Variants in KCTD19 observed in about 807,000 individuals in gnomAD.
The protein encoded by KCTD19 is BTB/POZ domain-containing protein KCTD19.
Under a neutral mutation model 103.5 loss-of-function variants are expected in KCTD19, and 67 were observed. The observed-to-expected ratio is 0.65, with a 90% CI of 0.53 to 0.79. KCTD19 has a LOEUF of 0.79. Ranked by LOEUF, KCTD19 falls within the 30% of genes least tolerant of loss-of-function variation. The pLI is 0.00. For missense variants in KCTD19, 980 were observed against 1,136.1 expected (o/e 0.86, Z 1.98); for synonymous variants, 439 against 452.2 (o/e 0.97, Z 0.37).
rs759968343 is a variant in KCTD19, at chr16:67,294,029, T to C, written c.1733A>G (p.Asn578Ser). Residue 578 changes from asparagine (N) to serine (S), a missense_variant, in exon 12 of 16, where the codon AAT becomes AGT. By Grantham distance (46) the Asn-to-Ser change is conservative. Transcript: ENST00000304372. ...GCTAGGGTTGCCAGCCCTCTTGGCA[T>C]TTCGGCATAGGGACACCTGGATGGG... The part of the protein sequence containing the change: ...TRPIQVSLCR[N>S]AKRAGNPSTY... 5 of 1,614,070 alleles carry C rather than the reference T, an allele frequency of 3.1e-6. No homozygotes were observed. Among genetic ancestry groups the C allele is most frequent in the Non-Finnish European group, 4.2e-6 (5 of 1,180,034 alleles).
intron 10 of KCTD19, 101 bp downstream of exon 10, chr16:67,294,872 A>T (rs1485944432): frequency 9.2e-7 from 1 of 1,091,048 alleles, no homozygotes; most frequent in Admixed American, 1.8e-5. Flanking sequence ...CCTCAACCCC[A>T]AGGAGATCAG....
chr16:67,293,550 C>T lies in KCTD19; in HGVS notation c.2212G>A (p.Glu738Lys), dbSNP rs1453783022. 3 of 1,613,716 alleles carry T rather than the reference C, an allele frequency of 1.9e-6. No homozygotes were observed. Among genetic ancestry groups the T allele is most frequent in the Admixed American group, 1.7e-5 (1 of 59,996 alleles). The change falls in exon 12 of 16, where the codon GAG (glutamate) becomes AAG (lysine). Residue 738 changes from glutamate (E) to lysine (K), a missense_variant. By Grantham distance (56) the Glu-to-Lys change is moderately conservative. Transcript: ENST00000304372. The surrounding 1 kb of genome is among the most constrained non-coding windows in gnomAD (Gnocchi z 4.0). ...AAAGGGGGACAGGACTCACCTCTCT[C>T]CTTGGTCCTCTGCTTGCTCCAGTCC... Reference protein sequence around the residue: ...LKDWSKQRTKERESPAPEQPL... With the variant: ...LKDWSKQRTKKRESPAPEQPL...
rs1329745100 is a variant in KCTD19, at chr16:67,323,343, C to A, written c.4-2458G>T. On this transcript the variant is annotated intron_variant, in intron 1 of 15. Transcript: ENST00000304372. This position sits in a 1 kb window ranked among gnomAD's most constrained non-coding sequence, Gnocchi z 4.1. ...GTAAACAAAATGTAGTATATCCACA[C>A]AATGGAATATTGTTTGTCAATACGA... 6.6e-6 allele frequency among the ~76,000 whole-genome samples: 1 copy of A among 152,140 alleles called. No individual in the cohort carries two copies. The highest frequency in any genetic ancestry group is 1.5e-5 in the Non-Finnish European group (1 of 68,020).
At position 67,307,210 on chromosome 16, in the gene KCTD19, A is replaced by G. The variant is rs1009012686; in HGVS notation, c.301-2639T>C. Among the ~76,000 whole-genome samples, 6 of 151,478 alleles carry G rather than the reference A, an allele frequency of 4.0e-5. No homozygotes were observed. In the South Asian group the frequency reaches 8.3e-4, roughly 21 times the overall value. Reference sequence around the variant, plus strand: ...ATCACCTAGGCTGGAGTGCAGTGGCATGATCACAGCTCACTGCAGCCTTGA... The same window carrying G: ...ATCACCTAGGCTGGAGTGCAGTGGCGTGATCACAGCTCACTGCAGCCTTGA... On this transcript the variant is annotated intron_variant, in intron 2 of 15. Transcript: ENST00000304372.
intron 2 of KCTD19, among the ~76,000 whole-genome samples, chr16:67,319,807 T>C (rs1458620045): frequency 6.6e-6 from 1 of 151,928 alleles, no homozygotes; most frequent in Non-Finnish European, 1.5e-5. Flanking sequence ...GGCCCAAGAT[T>C]AGAACTTTTT....
intron 1 of KCTD19, among the ~76,000 whole-genome samples, chr16:67,325,358 G>A (rs902414463): frequency 1.5e-4 from 22 of 147,670 alleles, no homozygotes; most frequent in African/African-American, 5.2e-4. Flanking sequence ...GACTACAGGC[G>A]CCCGCCACCA....
At position 67,291,439 on chromosome 16, in the gene KCTD19, A is replaced by G; in HGVS notation, c.2435T>C (p.Leu812Pro). ...TGCATAAAACATCTCTTCCCAGGAC[A>G]GAGAGAAACTCAGGAAAGTCACTTC... ...PQEVTFLSFS[L>P]SWEEMFYAQK... The change falls in exon 14 of 16, where the codon CTG (leucine) becomes CCG (proline). Residue 812 changes from leucine to proline, a missense_variant. Leu to Pro is a moderately conservative substitution (Grantham distance 98). Transcript: ENST00000304372. 1 of 1,614,070 alleles carries G rather than the reference A, an allele frequency of 6.2e-7. No individual in the cohort carries two copies. The highest frequency in any genetic ancestry group is 8.5e-7 in the Non-Finnish European group (1 of 1,179,962).
Position 67,291,322 on chromosome 16 carries a change from G to C in KCTD19, c.2552C>G (p.Ala851Gly). The C allele has an allele frequency of 6.2e-7, 1 of 1,613,590 alleles. No homozygotes were observed. Among genetic ancestry groups the C allele is most frequent in the Non-Finnish European group, 8.5e-7 (1 of 1,179,916 alleles). ...KAITAKVVSL[A>G]NRLWTLHISP... ...TGTCACACATACCCACAGCCGATTGGCCAGGGAGACCACCTTGGCTGTGAT... is the reference window on the plus strand; with the variant it reads ...TGTCACACATACCCACAGCCGATTGCCCAGGGAGACCACCTTGGCTGTGAT... The change falls in exon 14 of 16, where the codon GCC becomes GGC. Residue 851 changes from alanine to glycine, a missense_variant. Physicochemically the swap from Ala to Gly is moderately conservative, Grantham distance 60 (BLOSUM62 0). Transcript: ENST00000304372.
At position 67,294,144 on chromosome 16, in the gene KCTD19, C is replaced by T. The variant is rs373332734; in HGVS notation, c.1618G>A (p.Glu540Lys). The T allele has an allele frequency of 9.3e-5, 150 of 1,608,148 alleles. 1 individual carries two copies. Among genetic ancestry groups the T allele is most frequent in the Middle Eastern group, 1.6e-4 (1 of 6,072 alleles). ...CATGGAGTCCTGTCACTGCAGTCTT[C>T]GAAGTCCACAGGCATGTAGGCTGTG... ...ETTAYMPVDF[E>K]DCSDRTPWNK... Residue 540 changes from glutamate (E) to lysine (K), a missense_variant, in exon 12 of 16, where the codon GAA (glutamate) becomes AAA (lysine). Glu to Lys is a moderately conservative substitution (Grantham distance 56, BLOSUM62 1). Coordinates refer to ENST00000304372, the MANE Select transcript of KCTD19 (RefSeq NM_001100915.3).
rs980759611 is a variant in KCTD19, at chr16:67,300,651, G to A, written c.776-1078C>T. ...GCATGCCACTCCCCACAAAGAGGAT[G>A]GGTTTCTTTTTTGAGAAGGAGTCTC... On this transcript the variant is annotated intron_variant, in intron 5 of 15. Coordinates refer to ENST00000304372, the MANE Select transcript of KCTD19 (RefSeq NM_001100915.3). This position sits in a 1 kb window ranked among gnomAD's most constrained non-coding sequence, Gnocchi z 4.5. 2.6e-5 allele frequency: 4 copies of A among 152,480 alleles called. No individual in the cohort carries two copies. Among genetic ancestry groups the A allele is most frequent in the African/African-American group, 9.7e-5 (4 of 41,434 alleles). 9.4% of individuals were successfully genotyped at this position (152,480 alleles called of 1,614,324 possible).
intron 2 of KCTD19, among the ~76,000 whole-genome samples, chr16:67,313,401 C>G (rs144369944): frequency 1.3e-5 from 2 of 152,118 alleles, no homozygotes; most frequent in Non-Finnish European, 2.9e-5. Context: ...TGAGCCACCA[C>G]GCCTGGCCTG....
At position 67,291,336 on chromosome 16, in the gene KCTD19, C is replaced by T; in HGVS notation, c.2538G>A (p.Lys846=). The T allele has an allele frequency of 2.5e-6, 4 of 1,613,980 alleles. No individual in the cohort carries two copies. Among genetic ancestry groups the T allele is most frequent in the Middle Eastern group, 1.7e-4 (1 of 5,868 alleles). ...ACAGCCGATTGGCCAGGGAGACCAC[C>T]TTGGCTGTGATGGCTTTGGGGTCCT... ...RQKDPKAITA[K]VVSLANRLWT... is the part of the protein sequence containing the mutation. Residue 846 remains lysine, a synonymous_variant, in exon 14 of 16, where the codon AAG becomes AAA. Coordinates refer to ENST00000304372, the MANE Select transcript of KCTD19 (RefSeq NM_001100915.3).
At chr16:67,322,824 T>C (rs1356440536) in intron 1 of KCTD19, among the ~76,000 whole-genome samples, 1 of 152,202 alleles carries the variant, frequency 6.6e-6, no homozygotes, top group African/African-American at 2.4e-5. Context: ...GATAAAGAAC[T>C]TGTTTTTAGA....
chr16:67,293,732 G>A lies in KCTD19; in HGVS notation c.2030C>T (p.Ala677Val). Reference protein sequence around the residue: ...TLQLPLGSEAASQPSTSAAWK... With the variant: ...TLQLPLGSEAVSQPSTSAAWK... ...GGCAGCTGAGGTGCTGGGCTGGGAA[G>A]CAGCCTCGCTTCCCAAGGGGAGCTG... The change falls in exon 12 of 16, where the codon GCT becomes GTT. Residue 677 changes from alanine to valine, a missense_variant. Physicochemically the swap from Ala to Val is moderately conservative, Grantham distance 64 (BLOSUM62 0). Coordinates refer to ENST00000304372, the MANE Select transcript of KCTD19 (RefSeq NM_001100915.3). This position sits in a 1 kb window ranked among gnomAD's most constrained non-coding sequence, Gnocchi z 4.0. The A allele has an allele frequency of 1.2e-6, 2 of 1,614,110 alleles. No homozygotes were observed. The highest frequency in any genetic ancestry group is 8.5e-7 in the Non-Finnish European group (1 of 1,180,022).
At chr16:67,295,094 G>T in intron 9 of KCTD19, 38 bp from the exon 10 acceptor site, 1 of 1,595,844 alleles carries the variant, frequency 6.3e-7, no homozygotes, top group Non-Finnish European at 8.6e-7. Context: ...GGGCAGCTAG[G>T]ATGAGGGTGT....
intron 2 of KCTD19, among the ~76,000 whole-genome samples, chr16:67,305,167 T>TA (rs1297788996): frequency 1.3e-5 from 2 of 152,202 alleles, no homozygotes; most frequent in African/African-American, 4.8e-5. Context: ...ATTTAATCAT[T>TA]AAAAACTTGT....
chr16:67,311,388 C>T (rs1403021948), intron 2 of KCTD19, among the ~76,000 whole-genome samples: 8 of 151,958 alleles, frequency 5.3e-5, no homozygotes, highest in Admixed American at 1.3e-4. Context: ...CTGCAACCTC[C>T]GCCTCCCAGG....
Position 67,301,815 on chromosome 16 carries a change from C to G in KCTD19, c.751G>C (p.Val251Leu). The G allele has an allele frequency of 6.2e-7, 1 of 1,613,932 alleles. No homozygotes were observed. The highest frequency in any genetic ancestry group is 8.5e-7 in the Non-Finnish European group (1 of 1,179,838). ...CCCATGTTCATCCGGTACCACCTTA[C>G]GGCTTCAGTGAGTGCAGGGATTTCC... Reference protein sequence around the residue: ...ILEIPALTEAVRWYRMNMGGC... With the variant: ...ILEIPALTEALRWYRMNMGGC... Residue 251 changes from valine (V) to leucine (L), a missense_variant, in exon 5 of 16, where the codon GTA becomes CTA. Coordinates refer to ENST00000304372, the MANE Select transcript of KCTD19 (RefSeq NM_001100915.3).
chr16:67,308,790 T>G (rs1158827172), intron 2 of KCTD19, among the ~76,000 whole-genome samples: 1 of 152,076 alleles, frequency 6.6e-6, no homozygotes, highest in African/African-American at 2.4e-5. Context: ...GTTTGATGCA[T>G]CCCCATTTTG....
Sources: allele counts gnomAD v4.1 joint callset (sites outside exome capture counted in the v4.1 genomes callset), GRCh38; gene constraint gnomAD v4.1.1; non-coding constraint Gnocchi (gnomAD v3.1); transcripts MANE v1.5; gene names NCBI Gene and HGNC (gene_info 2026-07-23, HGNC 2026-07-21).